Variants in PIP5K1B observed in about 807,000 individuals in gnomAD.
PIP5K1B encodes phosphatidylinositol 4-phosphate 5-kinase type-1 beta.
PIP5K1B carries 42 observed loss-of-function variants against 67.0 expected under a neutral mutation model. That is an observed-to-expected ratio of 0.63 (90% confidence interval 0.49 to 0.81). The LOEUF (loss-of-function observed/expected upper bound fraction) is 0.81. Among genes scored for constraint, PIP5K1B ranks in the 30% least tolerant of loss-of-function variants. The pLI, the probability that PIP5K1B is intolerant of heterozygous loss-of-function variation, is 0.00. For missense variants in PIP5K1B, 459 were observed against 646.3 expected (o/e 0.71, Z 3.14); for synonymous variants, 214 against 231.4 (o/e 0.92, Z 0.68).
intron 1 of PIP5K1B, among the ~76,000 whole-genome samples, chr9:68,730,140 G>A (rs1229889195): frequency 6.6e-6 from 1 of 152,178 alleles, no homozygotes. Context: ...TTATAAGCAA[G>A]TACACTGATC....
intron 2 of PIP5K1B, chr9:68,780,298 G>T: frequency 6.3e-7 from 1 of 1,597,604 alleles, no homozygotes; most frequent in Non-Finnish European, 8.5e-7. Flanking sequence ...CACGGCCTCA[G>T]TGACACTTCG....
intron 4 of PIP5K1B, among the ~76,000 whole-genome samples, chr9:68,850,000 A>C (rs1211591157): frequency 1.3e-5 from 2 of 152,230 alleles, no homozygotes; most frequent in Non-Finnish European, 2.9e-5. Flanking sequence ...AGATCAAAAC[A>C]AGAACCAGAA....
intron 7 of PIP5K1B, among the ~76,000 whole-genome samples, chr9:68,892,552 T>C (rs1824849536): frequency 6.6e-6 from 1 of 152,340 alleles, no homozygotes; most frequent in Admixed American, 6.5e-5. Flanking sequence ...AAGTATCCAT[T>C]TGAGGAAAAA....
rs530069157 is a variant in PIP5K1B, at chr9:68,961,026, A to G, written c.1502+20236A>G. 2.0e-5 allele frequency among the ~76,000 whole-genome samples: 3 copies of G among 151,914 alleles called. No homozygotes were observed. In the East Asian group the frequency reaches 5.8e-4, roughly 30 times the overall value. ...GAGATCGAGACCATCCTGGCTAACA[A>G]GGTGAAACCCCGTCTCTACTAAAAA... is the stretch of plus-strand genomic sequence containing the variant. On this transcript the variant is annotated intron_variant, in intron 14 of 15. Transcript: ENST00000265382.
intron 14 of PIP5K1B, among the ~76,000 whole-genome samples, chr9:68,947,256 T>A (rs1236242568): frequency 2.0e-5 from 3 of 152,218 alleles, no homozygotes; most frequent in Non-Finnish European, 4.4e-5. Flanking sequence ...GCTCCCACCA[T>A]GAGCTCTGCC....
At chr9:68,995,333 T>C (rs115726937) in intron 15 of PIP5K1B, among the ~76,000 whole-genome samples, 3 of 152,314 alleles carry the variant, frequency 2.0e-5, no homozygotes, top group African/African-American at 4.8e-5. Flanking sequence ...AACTTTCACA[T>C]TCTTTAAACT....
chr9:68,798,530 G>C (rs1262900905), intron 2 of PIP5K1B, among the ~76,000 whole-genome samples: 1 of 152,088 alleles, frequency 6.6e-6, no homozygotes, highest in African/African-American at 2.4e-5. Flanking sequence ...ACCTGCTTTG[G>C]GTAGAGTGGC....
At chr9:68,993,648 G>A (rs1054330876) in intron 15 of PIP5K1B, among the ~76,000 whole-genome samples, 1 of 152,028 alleles carries the variant, frequency 6.6e-6, no homozygotes, top group African/African-American at 2.4e-5. Flanking sequence ...ATTAAATAGG[G>A]AAAAAAATAC....
intron 1 of PIP5K1B, among the ~76,000 whole-genome samples, chr9:68,731,410 A>G (rs1564093719): frequency 2.0e-5 from 3 of 152,230 alleles, no homozygotes; most frequent in Admixed American, 6.5e-5. Flanking sequence ...GACCACTTCC[A>G]TAGATTATTG....
chr9:68,843,577 G>A (rs191428621), intron 4 of PIP5K1B, among the ~76,000 whole-genome samples: 18 of 152,242 alleles, frequency 1.2e-4, no homozygotes, highest in Admixed American at 3.3e-4. Flanking sequence ...AGGCAAGCCC[G>A]TTAAGTATCA....
At chr9:68,974,081 G>A (rs1392764110) in intron 14 of PIP5K1B, among the ~76,000 whole-genome samples, 2 of 152,152 alleles carry the variant, frequency 1.3e-5, no homozygotes, top group Non-Finnish European at 2.9e-5. Context: ...TGTTGCCCAG[G>A]CTGGTTTCAA....
At chr9:68,713,220 G>A (rs1037229183) in intron 1 of PIP5K1B, among the ~76,000 whole-genome samples, 2 of 152,192 alleles carry the variant, frequency 1.3e-5, no homozygotes, top group Admixed American at 6.5e-5. Context: ...CCAACATGGT[G>A]AAACCACATC....
In PIP5K1B at chr9:68,994,158, A is replaced by T. The variant is rs541783904; in HGVS notation, c.1620+2901A>T. ...CAGGTTCAAGCGATTCTCCTGCCTCAGCCTCCTAAGTAGCTGGGATTACAG... is the reference window on the plus strand; with the variant it reads ...CAGGTTCAAGCGATTCTCCTGCCTCTGCCTCCTAAGTAGCTGGGATTACAG... On this transcript the variant is annotated intron_variant, in intron 15 of 15. Coordinates refer to ENST00000265382, the MANE Select transcript of PIP5K1B (RefSeq NM_003558.4). 6.1e-4 allele frequency among the ~76,000 whole-genome samples: 90 copies of T among 148,348 alleles called. 1 individual carries two copies. Among genetic ancestry groups the T allele is most frequent in the Non-Finnish European group, 1.1e-3 (75 of 67,660 alleles).
At chr9:68,793,274 A>G (rs1832100502) in intron 2 of PIP5K1B, among the ~76,000 whole-genome samples, 1 of 152,094 alleles carries the variant, frequency 6.6e-6, no homozygotes, top group African/African-American at 2.4e-5. Flanking sequence ...TTTATGAGTG[A>G]GATGAGAGCC....
Position 68,987,365 on chromosome 9 carries a change from A to G in PIP5K1B, c.1503-3775A>G, listed in dbSNP as rs541982821. On this transcript the variant is annotated intron_variant, in intron 14 of 15. Coordinates refer to ENST00000265382, the MANE Select transcript of PIP5K1B (RefSeq NM_003558.4). Reference sequence around the variant, plus strand: ...GATCATTTGAGGCCAGCAGTTCAAGACCAGCCTGGCCAACAGTGAAACTCT... The same window carrying G: ...GATCATTTGAGGCCAGCAGTTCAAGGCCAGCCTGGCCAACAGTGAAACTCT... Among the ~76,000 whole-genome samples, 5 of 152,264 alleles carry G rather than the reference A, an allele frequency of 3.3e-5. No individual in the cohort carries two copies. The South Asian group carries it at 1.0e-3, about 32-fold the overall frequency.
chr9:68,858,122 C>T (rs1357365934), intron 4 of PIP5K1B, among the ~76,000 whole-genome samples: 4 of 151,956 alleles, frequency 2.6e-5, no homozygotes, highest in Admixed American at 6.6e-5. Flanking sequence ...TACAGGTATG[C>T]GCCACCATGC....
chr9:68,765,053 T>G lies in PIP5K1B; in HGVS notation c.-86+22396T>G, dbSNP rs550980297. On this transcript the variant is annotated intron_variant, in intron 2 of 15. Transcript: ENST00000265382. Reference sequence around the variant, plus strand: ...TGCTTTGATGGAATGCTACAGTCACTGCTCATTATCTTGAATTCACTTGCA... The same window carrying G: ...TGCTTTGATGGAATGCTACAGTCACGGCTCATTATCTTGAATTCACTTGCA... 9.2e-4 allele frequency among the ~76,000 whole-genome samples: 140 copies of G among 152,312 alleles called. 1 individual carries two copies. The highest frequency in any genetic ancestry group is 2.8e-3 in the African/African-American group (116 of 41,586).
At chr9:68,933,646 A>C (rs1431965582) in intron 12 of PIP5K1B, among the ~76,000 whole-genome samples, 1 of 152,118 alleles carries the variant, frequency 6.6e-6, no homozygotes, top group Non-Finnish European at 1.5e-5. Flanking sequence ...GGGCCTAAAA[A>C]AGGGCCTTCC....
intron 13 of PIP5K1B, among the ~76,000 whole-genome samples, chr9:68,937,176 G>A (rs1352777973): frequency 6.6e-6 from 1 of 152,198 alleles, no homozygotes; most frequent in Non-Finnish European, 1.5e-5. Flanking sequence ...AATAGTTTCA[G>A]AAGAAATGGT....
Sources: allele counts gnomAD v4.1 joint callset (sites outside exome capture counted in the v4.1 genomes callset), GRCh38; gene constraint gnomAD v4.1.1; transcripts MANE v1.5; gene names NCBI Gene and HGNC (gene_info 2026-07-23, HGNC 2026-07-21).